The following PACRGL variants were observed in gnomAD, a reference collection of about 807,000 sequenced individuals.
PACRGL encodes the protein PACRG-like protein.
In PACRGL, 38 loss-of-function variants were observed where a neutral mutation model predicts 34.5. The ratio of observed to expected loss-of-function variants is 1.10; its 90% CI spans 0.85 to 1.44. PACRGL has a LOEUF of 1.44. PACRGL is among the 40% of genes most tolerant of loss of function. The pLI, the probability that PACRGL is intolerant of heterozygous loss-of-function variation, is 0.00. For missense variants in PACRGL, 305 were observed against 281.4 expected (o/e 1.08, Z -0.60); for synonymous variants, 128 against 100.1 (o/e 1.28, Z -1.66).
At chr4:20,758,542 C>A in the PACRGL span, among the ~76,000 whole-genome samples, 1 of 151,992 alleles carries the variant, frequency 6.6e-6, no homozygotes, top group African/African-American at 2.4e-5. Context: ...TTTTTGAGCA[C>A]CCTCATAATA....
the PACRGL span, among the ~76,000 whole-genome samples, chr4:20,761,466 G>C: frequency 6.6e-6 from 1 of 152,138 alleles, no homozygotes; most frequent in African/African-American, 2.4e-5. Flanking sequence ...TAAACACTTT[G>C]CAGTTAGACC....
intron 5 of PACRGL, among the ~76,000 whole-genome samples, chr4:20,711,149 G>A (rs1336683955): frequency 6.6e-6 from 1 of 151,830 alleles, no homozygotes; most frequent in East Asian, 1.9e-4. Context: ...TTTAAACCAG[G>A]TAGCAAACCA....
In PACRGL at chr4:20,716,043, G is replaced by A. The variant is rs369904442; in HGVS notation, c.609+2504G>A. 2.2e-5 allele frequency: 32 copies of A among 1,432,988 alleles called. No homozygotes were observed. In the East Asian group the frequency reaches 4.0e-4, roughly 18 times the overall value. The allele number at this position is 1,432,988 out of a possible 1,614,324, so 88.8% of individuals were successfully genotyped here. On this transcript the variant is annotated intron_variant, in intron 7 of 8. Transcript: ENST00000503585. ...CGATGTTTTAGTGAATCTGTAAATT[G>A]CATTCAGGAAGAGACCTTTTCCTGA...
chr4:20,707,539 A>G (rs1400041985), intron 3 of PACRGL, among the ~76,000 whole-genome samples: 3 of 152,226 alleles, frequency 2.0e-5, no homozygotes, highest in Non-Finnish European at 2.9e-5. Flanking sequence ...GAAAGGTCAC[A>G]GTGGGGAAGA....
At chr4:20,710,263 G>A (rs995992130) in intron 5 of PACRGL, among the ~76,000 whole-genome samples, 10 of 152,034 alleles carry the variant, frequency 6.6e-5, no homozygotes, top group African/African-American at 2.2e-4. Context: ...TATCATGGAG[G>A]TGGTTTTATA....
intron 8 of PACRGL, among the ~76,000 whole-genome samples, chr4:20,744,718 G>A (rs1752028052): frequency 1.3e-5 from 2 of 152,148 alleles, no homozygotes; most frequent in Admixed American, 1.3e-4. Context: ...GTATACATAT[G>A]TAACAAACCT....
intron 8 of PACRGL, among the ~76,000 whole-genome samples, chr4:20,741,012 G>C (rs1750941679): frequency 6.6e-6 from 1 of 152,164 alleles, no homozygotes; most frequent in African/African-American, 2.4e-5. Context: ...AATTCAACAA[G>C]AAGAGCTAAC....
intron 1 of PACRGL, 149 bp from the exon 2 acceptor site, chr4:20,704,317 A>G: frequency 1.6e-6 from 1 of 627,748 alleles, no homozygotes; most frequent in Non-Finnish European, 2.8e-6. Flanking sequence ...ATGTTTTCTC[A>G]TTAGTCTTTT....
Position 20,704,816 on chromosome 4 carries a change from T to A in PACRGL, c.207+2T>A. Reference sequence around the variant, plus strand: ...CTGAACCCTAAAACAATTAATCCGGTAGGTCCAAAACTATTCCTAACTCAG... The same window carrying A: ...CTGAACCCTAAAACAATTAATCCGGAAGGTCCAAAACTATTCCTAACTCAG... On this transcript the variant is annotated splice_donor_variant, in intron 3 of 8. Transcript: ENST00000503585. LOFTEE classifies it high-confidence loss of function. 1 of 1,613,154 alleles carries A rather than the reference T, an allele frequency of 6.2e-7. No individual in the cohort carries two copies. Among genetic ancestry groups the A allele is most frequent in the Non-Finnish European group, 8.5e-7 (1 of 1,179,168 alleles).
chr4:20,746,370 C>T (rs900022239), intron 8 of PACRGL, among the ~76,000 whole-genome samples: 6 of 149,968 alleles, frequency 4.0e-5, no homozygotes, highest in African/African-American at 7.4e-5. Flanking sequence ...CAGGGCATGT[C>T]GGAGGGTGGG....
chr4:20,714,735 G>C (rs1292914753), intron 7 of PACRGL, among the ~76,000 whole-genome samples: 6 of 151,918 alleles, frequency 3.9e-5, no homozygotes, highest in Admixed American at 6.6e-5. Flanking sequence ...TACCATCTCA[G>C]ACCAATTAGA....
At chr4:20,758,967 A>G in the PACRGL span, 1 of 1,103,078 alleles carries the variant, frequency 9.1e-7, no homozygotes, top group Non-Finnish European at 1.4e-6. Context: ...TTGAAACAGA[A>G]CTGTCTACCA....
At chr4:20,711,331 G>A (rs966201006) in intron 5 of PACRGL, among the ~76,000 whole-genome samples, 5 of 152,088 alleles carry the variant, frequency 3.3e-5, no homozygotes, top group African/African-American at 1.2e-4. Context: ...TTTTCTTTCT[G>A]TATTGAGTAG....
chr4:20,723,303 A>G (rs559410754), intron 7 of PACRGL, among the ~76,000 whole-genome samples: 2 of 152,294 alleles, frequency 1.3e-5, no homozygotes, highest in South Asian at 2.1e-4. Context: ...GTTTAATAAT[A>G]ATCTCTTGCA....
chr4:20,747,958 A>T (rs1447716332), intron 8 of PACRGL, among the ~76,000 whole-genome samples: 1 of 152,130 alleles, frequency 6.6e-6, no homozygotes, highest in Non-Finnish European at 1.5e-5. Context: ...ATACAATTCT[A>T]CCAATTTTGT....
chr4:20,734,793 A>AAAAC (rs59030794), downstream of PACRGL: 271,906 of 980,736 alleles, frequency 0.28, 44,122 homozygotes, highest in African/African-American at 0.43. Context: ...AAAAACAAAA[A>AAAAC]AAACAAATGA....
chr4:20,753,926 A>G (rs1384412807), downstream of PACRGL, among the ~76,000 whole-genome samples: 1 of 152,100 alleles, frequency 6.6e-6, no homozygotes. Context: ...TCATTCATTC[A>G]TTCATTCATT....
chr4:20,702,962 A>G (rs1038690572), intron 1 of PACRGL, among the ~76,000 whole-genome samples: 1 of 152,218 alleles, frequency 6.6e-6, no homozygotes, highest in Non-Finnish European at 1.5e-5. Context: ...GCAAGCTTAC[A>G]TTTAGGTTAT....
At chr4:20,759,356 T>C in the PACRGL span, among the ~76,000 whole-genome samples, 74 of 152,284 alleles carry the variant, frequency 4.9e-4, no homozygotes, top group African/African-American at 1.8e-3. Context: ...CAACCAGTAA[T>C]AGATACTAAT....
Sources: allele counts gnomAD v4.1 joint callset (sites outside exome capture counted in the v4.1 genomes callset), GRCh38; gene constraint gnomAD v4.1.1; transcripts MANE v1.5; gene names NCBI Gene and HGNC (gene_info 2026-07-23, HGNC 2026-07-21).